Variants in FBXO8 observed in about 807,000 individuals in gnomAD.
FBXO8 encodes F-box protein 8.
In FBXO8, 15 loss-of-function variants were observed where a neutral mutation model predicts 33.4. The ratio of observed to expected loss-of-function variants is 0.45; its 90% CI spans 0.30 to 0.69. The LOEUF (loss-of-function observed/expected upper bound fraction) is 0.69. Ranked by LOEUF, FBXO8 falls within the 30% of genes least tolerant of loss-of-function variation. The pLI is 0.08. For synonymous variants in FBXO8, 132 were observed against 131.5 expected (o/e 1.00, Z -0.02); for missense variants, 274 against 380.3 (o/e 0.72, Z 2.32).
chr4:174,280,773 G>A (rs1471248057), intron 1 of FBXO8, among the ~76,000 whole-genome samples: 1 of 152,140 alleles, frequency 6.6e-6, no homozygotes, highest in Non-Finnish European at 1.5e-5. Flanking sequence ...TTTATATGAG[G>A]TTTTGGTTCT....
chr4:174,239,259 C>T, intron 4 of FBXO8, 69 bp from the exon 5 acceptor site: 1 of 1,148,294 alleles, frequency 8.7e-7, no homozygotes, highest in Non-Finnish European at 1.2e-6. Flanking sequence ...AGAAAAATAA[C>T]AAATTTCCAT....
Position 174,259,713 on chromosome 4 carries a change from C to T in FBXO8, c.442G>A (p.Ala148Thr), listed in dbSNP as rs765385448. 1.2e-6 allele frequency: 2 copies of T among 1,610,320 alleles called. No homozygotes were observed. Among genetic ancestry groups the T allele is most frequent in the Non-Finnish European group, 1.7e-6 (2 of 1,178,444 alleles). ...TCTTCACTAACCTCATCTGGGTTGG[C>T]ATTAAAGGTGAGGCTGCCTTCATCC... is the stretch of plus-strand genomic sequence containing the variant. ...QLDEGSLTFN[A>T]NPDEGVNYFM... The change falls in exon 3 of 6, where the codon GCC becomes ACC. Residue 148 changes from alanine to threonine, a missense_variant. Physicochemically the swap from Ala to Thr is moderately conservative, Grantham distance 58 (BLOSUM62 0). Coordinates refer to ENST00000393674, the MANE Select transcript of FBXO8 (RefSeq NM_012180.3). This position sits in a 1 kb window ranked among gnomAD's most constrained non-coding sequence, Gnocchi z 4.3.
At position 174,251,308 on chromosome 4, in the gene FBXO8, T is replaced by G. The variant is rs1736280286; in HGVS notation, c.456+8391A>C. 6.6e-6 allele frequency among the ~76,000 whole-genome samples: 1 copy of G among 152,078 alleles called. No individual in the cohort carries two copies. The highest frequency in any genetic ancestry group is 1.5e-5 in the Non-Finnish European group (1 of 67,998). On this transcript the variant is annotated intron_variant, in intron 3 of 5. Coordinates refer to ENST00000393674, the MANE Select transcript of FBXO8 (RefSeq NM_012180.3). The surrounding 1 kb of genome is among the most constrained non-coding windows in gnomAD (Gnocchi z 4.2). ...GATTGATGAATAAACTATGGAATAT[T>G]CTAGGGCCTGAATCTCTTTTTCAAC...
rs565160026 is a variant in FBXO8, at chr4:174,245,316, G to A, written c.457-4098C>T. ...AGGAAAAGTCACTATGGGATAGGAC[G>A]TTTGGATAAGGTTTCCTGCTAGAGA... On this transcript the variant is annotated intron_variant, in intron 3 of 5. Coordinates refer to ENST00000393674, the MANE Select transcript of FBXO8 (RefSeq NM_012180.3). This position sits in a 1 kb window ranked among gnomAD's most constrained non-coding sequence, Gnocchi z 4.6. Among the ~76,000 whole-genome samples the A allele has an allele frequency of 2.5e-4, 38 of 151,920 alleles. No homozygotes were observed. The highest frequency in any genetic ancestry group is 7.5e-4 in the African/African-American group (31 of 41,524).
At chr4:174,271,050 G>A (rs547459918) in intron 1 of FBXO8, among the ~76,000 whole-genome samples, 1 of 151,914 alleles carries the variant, frequency 6.6e-6, no homozygotes, top group African/African-American at 2.4e-5. Flanking sequence ...TCTCAACCTT[G>A]GTTGTATTCT....
rs1167886915 is a variant in FBXO8, at chr4:174,261,207, CTAAGCT to C, written c.330-1388_330-1383del. Among the ~76,000 whole-genome samples the C allele has an allele frequency of 2.0e-5, 3 of 151,842 alleles. No homozygotes were observed. The highest frequency in any genetic ancestry group is 4.4e-5 in the Non-Finnish European group (3 of 67,812). ...AAAACCCAAAACTAGAGTTTTATTACTAAGCTTTGTGAAAACCAGAGAACTTCCCAA... is the reference window on the plus strand; with the variant it reads ...AAAACCCAAAACTAGAGTTTTATTACTTGTGAAAACCAGAGAACTTCCCAA... On this transcript the variant is annotated intron_variant, in intron 2 of 5. Transcript: ENST00000393674. This position sits in a 1 kb window ranked among gnomAD's most constrained non-coding sequence, Gnocchi z 4.1.
At chr4:174,268,694 C>A (rs1454184487) in intron 1 of FBXO8, among the ~76,000 whole-genome samples, 1 of 152,208 alleles carries the variant, frequency 6.6e-6, no homozygotes, top group East Asian at 1.9e-4. Context: ...CCTTGGCCTC[C>A]CAAAGTGCTG....
In FBXO8 at chr4:174,263,783, C is replaced by T. The variant is rs1037732243; in HGVS notation, c.-8-683G>A. Among the ~76,000 whole-genome samples, 9 of 152,156 alleles carry T rather than the reference C, an allele frequency of 5.9e-5. No individual in the cohort carries two copies. Among genetic ancestry groups the T allele is most frequent in the Non-Finnish European group, 1.0e-4 (7 of 68,020 alleles). On this transcript the variant is annotated intron_variant, in intron 1 of 5. Coordinates refer to ENST00000393674, the MANE Select transcript of FBXO8 (RefSeq NM_012180.3). This position sits in a 1 kb window ranked among gnomAD's most constrained non-coding sequence, Gnocchi z 4.2. ...TTTAGAGAAATTTTCTAATTCTTCT[C>T]CACAAATCCCTATGGATTCTTCAGA...
chr4:174,255,757 A>C lies in FBXO8; in HGVS notation c.456+3942T>G, dbSNP rs1736400761. On this transcript the variant is annotated intron_variant, in intron 3 of 5. Transcript: ENST00000393674. This position sits in a 1 kb window ranked among gnomAD's most constrained non-coding sequence, Gnocchi z 4.3. The stretch of plus-strand genomic sequence containing the variant: ...ATAACTACGTCAAGAAAGTGTTTTA[A>C]TATACATTGGAGCACAAGTAATATA... Among the ~76,000 whole-genome samples, 3 of 152,214 alleles carry C rather than the reference A, an allele frequency of 2.0e-5. No homozygotes were observed.
Position 174,239,094 on chromosome 4 carries a change from A to T in FBXO8, c.672T>A (p.Pro224=). 6.2e-7 allele frequency: 1 copy of T among 1,609,694 alleles called. No homozygotes were observed. Among genetic ancestry groups the T allele is most frequent in the Non-Finnish European group, 8.5e-7 (1 of 1,177,406 alleles). The change falls in exon 5 of 6, where the codon CCT becomes CCA. Residue 224 remains proline, a synonymous_variant. Transcript: ENST00000393674. ...LREFFRHIHA[P]EERGEYLETL... is the part of the protein sequence containing the mutation. ...TTTCAAGATACTCTCCACGCTCTTCAGGGGCATGGATATGACGAAAAAATT... is the reference window on the plus strand; with the variant it reads ...TTTCAAGATACTCTCCACGCTCTTCTGGGGCATGGATATGACGAAAAAATT...
rs1736927160 is a variant in FBXO8 at position 174,274,989 on chromosome 4, A to G, written c.-9+8421T>C. On this transcript the variant is annotated intron_variant, in intron 1 of 5. Transcript: ENST00000393674. The surrounding 1 kb of genome is among the most constrained non-coding windows in gnomAD (Gnocchi z 4.0). ...AAAAATTTTTGCTCTTTGAAAGTCT[A>G]TATTTGGAAGATGAAAGGAAAGCCT... 6.6e-6 allele frequency among the ~76,000 whole-genome samples: 1 copy of G among 152,238 alleles called. No individual in the cohort carries two copies. The highest frequency in any genetic ancestry group is 1.5e-5 in the Non-Finnish European group (1 of 68,038).
chr4:174,264,937 A>G (rs1736658452), intron 1 of FBXO8, among the ~76,000 whole-genome samples: 1 of 152,152 alleles, frequency 6.6e-6, no homozygotes, highest in Admixed American at 6.5e-5. Flanking sequence ...TAAGAAAATA[A>G]TCCACTTTAA....
intron 4 of FBXO8, among the ~76,000 whole-genome samples, chr4:174,240,217 A>C (rs911785027): frequency 2.6e-5 from 4 of 151,654 alleles, no homozygotes; most frequent in Non-Finnish European, 5.9e-5. Context: ...TTGGCACTTA[A>C]AGACAAAAAA....
rs1295664986 is a variant in FBXO8, at chr4:174,255,558, T to A, written c.456+4141A>T. On this transcript the variant is annotated intron_variant, in intron 3 of 5. Coordinates refer to ENST00000393674, the MANE Select transcript of FBXO8 (RefSeq NM_012180.3). This position sits in a 1 kb window ranked among gnomAD's most constrained non-coding sequence, Gnocchi z 4.3. ...TTATACACATGTGGATATTTCTGCA[T>A]AAATACCAGAAAAATGTGCTTACAT... Among the ~76,000 whole-genome samples, 1 of 151,502 alleles carries A rather than the reference T, an allele frequency of 6.6e-6. No homozygotes were observed. The highest frequency in any genetic ancestry group is 2.4e-5 in the African/African-American group (1 of 41,294).
rs1736800907 is a variant in FBXO8, at chr4:174,270,041, G to A, written c.-8-6941C>T. Among the ~76,000 whole-genome samples, 1 of 152,182 alleles carries A rather than the reference G, an allele frequency of 6.6e-6. No homozygotes were observed. The highest frequency in any genetic ancestry group is 1.5e-5 in the Non-Finnish European group (1 of 68,044). On this transcript the variant is annotated intron_variant, in intron 1 of 5. Transcript: ENST00000393674. The surrounding 1 kb of genome is among the most constrained non-coding windows in gnomAD (Gnocchi z 4.6). ...ACCTGCAAATACACTCAGGGAGCATGGTAGTAAACAGGAAACTTAGAAGCC... is the reference window on the plus strand; with the variant it reads ...ACCTGCAAATACACTCAGGGAGCATAGTAGTAAACAGGAAACTTAGAAGCC...
In FBXO8 at chr4:174,251,391, G is replaced by C. The variant is rs1736282449; in HGVS notation, c.456+8308C>G. ...TGTCTTTCTTTCAAGTTTCTAAAAG[G>C]TTTATTCCGAGTCCACAAACCTCCT... On this transcript the variant is annotated intron_variant, in intron 3 of 5. Transcript: ENST00000393674. This position sits in a 1 kb window ranked among gnomAD's most constrained non-coding sequence, Gnocchi z 4.2. Among the ~76,000 whole-genome samples, 1 of 152,092 alleles carries C rather than the reference G, an allele frequency of 6.6e-6. No homozygotes were observed. Among genetic ancestry groups the C allele is most frequent in the Non-Finnish European group, 1.5e-5 (1 of 68,000 alleles).
Position 174,268,103 on chromosome 4 carries a change from T to C in FBXO8, c.-8-5003A>G, listed in dbSNP as rs150311861. 9.9e-4 allele frequency among the ~76,000 whole-genome samples: 151 copies of C among 152,350 alleles called. 1 individual carries two copies. Among genetic ancestry groups the C allele is most frequent in the Admixed American group, 6.7e-3 (103 of 15,304 alleles). On this transcript the variant is annotated intron_variant, in intron 1 of 5. Coordinates refer to ENST00000393674, the MANE Select transcript of FBXO8 (RefSeq NM_012180.3). ...AAACACGGTTGCTTCTTGTTATTCA[T>C]GGCAATTATGTTCTTTAAAGTTTCT... is the stretch of plus-strand genomic sequence containing the variant.
chr4:174,243,031 A>G (rs1249537784), intron 3 of FBXO8, among the ~76,000 whole-genome samples: 2 of 151,606 alleles, frequency 1.3e-5, no homozygotes, highest in Non-Finnish European at 3.0e-5. Context: ...CAAACCTACT[A>G]ATAGTATACA....
chr4:174,243,017 TAAAC>T (rs1736076275), intron 3 of FBXO8, among the ~76,000 whole-genome samples: 1 of 151,554 alleles, frequency 6.6e-6, no homozygotes, highest in African/African-American at 2.4e-5. Context: ...TTGTGCAAAA[TAAAC>T]AAACCTACTA....
Sources: allele counts gnomAD v4.1 joint callset (sites outside exome capture counted in the v4.1 genomes callset), GRCh38; gene constraint gnomAD v4.1.1; non-coding constraint Gnocchi (gnomAD v3.1); transcripts MANE v1.5; gene names NCBI Gene and HGNC (gene_info 2026-07-23, HGNC 2026-07-21).